The following TNNI3K variants were observed in gnomAD, a reference collection of about 807,000 sequenced individuals.
TNNI3K encodes the protein serine/threonine-protein kinase TNNI3K.
Under a neutral mutation model 114.5 loss-of-function variants are expected in TNNI3K, and 140 were observed. The ratio of observed to expected loss-of-function variants is 1.22; its 90% CI spans 1.07 to 1.41. The LOEUF (loss-of-function observed/expected upper bound fraction) is 1.41, where lower values mean the gene tolerates loss of function less well. Ranked by LOEUF, TNNI3K falls within the 40% of genes most tolerant of loss-of-function variation. The pLI, the probability that TNNI3K is intolerant of heterozygous loss-of-function variation, is 0.00. For synonymous variants in TNNI3K, 347 were observed against 347.5 expected, an observed-to-expected ratio of 1.00 and a Z score of 0.02; for missense variants, 1,125 against 1,007.6, an observed-to-expected ratio of 1.12 and a Z score of -1.58.
intron 17 of TNNI3K, among the ~76,000 whole-genome samples, chr1:74,399,085 G>A (rs1664227552): frequency 6.6e-6 from 1 of 150,486 alleles, no homozygotes; most frequent in African/African-American, 2.5e-5. Flanking sequence ...GAACCCGGGA[G>A]GTGGACGTTG....
rs186897230 is a variant in TNNI3K, at chr1:74,451,411, A to G, written c.2011+11789A>G. Among the ~76,000 whole-genome samples, 13 of 152,268 alleles carry G rather than the reference A, an allele frequency of 8.5e-5. No homozygotes were observed. The East Asian group carries it at 2.5e-3, about 29-fold the overall frequency. ...TTTCCCGAGAACTTAATAAAATAAAATGAATCAATGTCCAATTTTTTGCTA... is the reference window on the plus strand; with the variant it reads ...TTTCCCGAGAACTTAATAAAATAAAGTGAATCAATGTCCAATTTTTTGCTA... On this transcript the variant is annotated intron_variant, in intron 20 of 24. Coordinates refer to ENST00000326637, the MANE Select transcript of TNNI3K (RefSeq NM_015978.3).
intron 5 of TNNI3K, among the ~76,000 whole-genome samples, chr1:74,282,647 T>C (rs1016608053): frequency 6.6e-6 from 1 of 152,196 alleles, no homozygotes; most frequent in African/African-American, 2.4e-5. Context: ...CAATTCCCCA[T>C]AGCAATTATC....
chr1:74,538,112 T>C (rs575202960), intron 23 of TNNI3K, among the ~76,000 whole-genome samples: 8 of 152,138 alleles, frequency 5.3e-5, no homozygotes, highest in Non-Finnish European at 8.8e-5. Flanking sequence ...AATAGGCATA[T>C]TCAAGCAGTT....
At chr1:74,483,212 A>G (rs762917643) in intron 21 of TNNI3K, 6 of 712,450 alleles carry the variant, frequency 8.4e-6, no homozygotes, top group Non-Finnish European at 1.6e-5. Context: ...ATGGCAACCA[A>G]TTTTCCAGGT....
At chr1:74,331,375 T>G in intron 5 of TNNI3K, 75 bp from the exon 6 acceptor site, 2 of 1,460,476 alleles carry the variant, frequency 1.4e-6, no homozygotes, top group Admixed American at 3.8e-5. Context: ...GATTTGTGCA[T>G]GGTGGTTGTA....
rs76568903 is a variant in TNNI3K, at chr1:74,426,908, G to T, written c.1773-9172G>T. ...TAGACATGCTTAGATCCTCAGTTCAGGGAAAAAAGAGTAAGTAATATAGGA... is the reference window on the plus strand; with the variant it reads ...TAGACATGCTTAGATCCTCAGTTCATGGAAAAAAGAGTAAGTAATATAGGA... On this transcript the variant is annotated intron_variant, in intron 17 of 24. Transcript: ENST00000326637. Among the ~76,000 whole-genome samples, 358 of 151,896 alleles carry T rather than the reference G, an allele frequency of 2.4e-3. 1 individual carries two copies. The highest frequency in any genetic ancestry group is 8.2e-3 in the African/African-American group (338 of 41,466).
intron 21 of TNNI3K, among the ~76,000 whole-genome samples, chr1:74,486,583 T>A (rs1668781698): frequency 6.6e-6 from 1 of 151,382 alleles, no homozygotes; most frequent in Non-Finnish European, 1.5e-5. Flanking sequence ...TAAATATAAT[T>A]AATTGCATGT....
intron 11 of TNNI3K, among the ~76,000 whole-genome samples, chr1:74,366,431 C>T (rs921731261): frequency 6.6e-5 from 10 of 151,914 alleles, no homozygotes; most frequent in African/African-American, 2.4e-4. Flanking sequence ...CTAGTAAACA[C>T]TAGATTGTTG....
chr1:74,482,715 G>A (rs1027691759), intron 21 of TNNI3K, among the ~76,000 whole-genome samples: 1 of 152,148 alleles, frequency 6.6e-6, no homozygotes, highest in South Asian at 2.1e-4. Flanking sequence ...TTAATAAGGT[G>A]TCTTATTAAA....
intron 17 of TNNI3K, among the ~76,000 whole-genome samples, chr1:74,418,534 A>T (rs770624818): frequency 7.9e-5 from 12 of 152,094 alleles, no homozygotes; most frequent in Non-Finnish European, 1.6e-4. Context: ...GTCCAATGTG[A>T]ATTGTCTATC....
chr1:74,247,755 G>A (rs1455323723), intron 2 of TNNI3K, among the ~76,000 whole-genome samples: 3 of 152,166 alleles, frequency 2.0e-5, no homozygotes, highest in Non-Finnish European at 4.4e-5. Context: ...GACACAGAGT[G>A]CTGATTGGTG....
intron 17 of TNNI3K, among the ~76,000 whole-genome samples, chr1:74,432,631 C>A (rs987764163): frequency 6.6e-6 from 1 of 152,044 alleles, no homozygotes; most frequent in African/African-American, 2.4e-5. Flanking sequence ...ACTTTGCCTG[C>A]TTTACCTTGG....
At chr1:74,329,287 C>T (rs972616279) in intron 5 of TNNI3K, among the ~76,000 whole-genome samples, 2 of 152,042 alleles carry the variant, frequency 1.3e-5, no homozygotes, top group Non-Finnish European at 2.9e-5. Context: ...ACCACTGATA[C>T]ACTTGTTTCT....
intron 5 of TNNI3K, among the ~76,000 whole-genome samples, chr1:74,279,774 T>C (rs558452986): frequency 2.0e-5 from 3 of 152,320 alleles, no homozygotes; most frequent in Non-Finnish European, 2.9e-5. Flanking sequence ...ACTTCACACA[T>C]TGTGGGTGCT....
In TNNI3K at chr1:74,294,661, C is replaced by A. The variant is rs572011768; in HGVS notation, c.444+22953C>A. On this transcript the variant is annotated intron_variant, in intron 5 of 24. Coordinates refer to ENST00000326637, the MANE Select transcript of TNNI3K (RefSeq NM_015978.3). Reference sequence around the variant, plus strand: ...TTTCCAAGGCATTTGATTATTTCACCCAAATCTCCAAATTTATTGGCATAA... The same window carrying A: ...TTTCCAAGGCATTTGATTATTTCACACAAATCTCCAAATTTATTGGCATAA... Among the ~76,000 whole-genome samples the A allele has an allele frequency of 2.0e-5, 3 of 151,978 alleles. No homozygotes were observed. In the South Asian group the frequency reaches 6.2e-4, roughly 32 times the overall value.
At chr1:74,348,738 G>A (rs1173415934) in intron 9 of TNNI3K, among the ~76,000 whole-genome samples, 1 of 152,044 alleles carries the variant, frequency 6.6e-6, no homozygotes, top group East Asian at 1.9e-4. Context: ...GGATTCCTAG[G>A]TATTTTATTC....
intron 17 of TNNI3K, chr1:74,416,574 A>C: frequency 1.0e-5 from 10 of 985,160 alleles, no homozygotes; most frequent in Non-Finnish European, 1.1e-5. Flanking sequence ...CCTGATAAAA[A>C]GCAACAAAAT....
chr1:74,531,466 G>A (rs1222816372), intron 23 of TNNI3K, among the ~76,000 whole-genome samples: 1 of 152,092 alleles, frequency 6.6e-6, no homozygotes, highest in East Asian at 1.9e-4. Context: ...AGGAAAGGTG[G>A]GCTAAGAGGA....
intron 11 of TNNI3K, among the ~76,000 whole-genome samples, chr1:74,355,945 A>G (rs1444089639): frequency 6.6e-6 from 1 of 152,180 alleles, no homozygotes; most frequent in East Asian, 1.9e-4. Flanking sequence ...TTATAACCAT[A>G]TAGGTCAATG....
Sources: allele counts gnomAD v4.1 joint callset (sites outside exome capture counted in the v4.1 genomes callset), GRCh38; gene constraint gnomAD v4.1.1; transcripts MANE v1.5; gene names NCBI Gene and HGNC (gene_info 2026-07-23, HGNC 2026-07-21).